Variants in DDX27 observed in about 807,000 individuals in gnomAD.
DDX27 encodes the protein probable ATP-dependent RNA helicase DDX27.
A neutral mutation model predicts 99.3 loss-of-function variants in DDX27; 42 were observed. That is an observed-to-expected ratio of 0.42 (90% confidence interval 0.33 to 0.55). The LOEUF is 0.55. Ranked by LOEUF, DDX27 falls within the 20% of genes least tolerant of loss-of-function variation. The pLI is 0.07. For missense variants in DDX27, 798 were observed against 976.8 expected (o/e 0.82, Z 2.44); for synonymous variants, 329 against 353.8 (o/e 0.93, Z 0.79).
rs200390384 is a variant in DDX27 at position 49,236,627 on chromosome 20, CTGCTTCCT to C, written c.1687+121_1687+128del. 1.8e-3 allele frequency: 1,864 copies of C among 1,057,692 alleles called. 30 individuals are homozygous for C. In the African/African-American group the frequency reaches 0.027, roughly 15 times the overall value. The allele number at this position is 1,057,692 out of a possible 1,614,324, so 65.5% of individuals were successfully genotyped here. On this transcript the variant is annotated intron_variant, in intron 14 of 20. Coordinates refer to ENST00000618172, the MANE Select transcript of DDX27 (RefSeq NM_017895.8). The surrounding 1 kb of genome is among the most constrained non-coding windows in gnomAD (Gnocchi z 4.1). Reference sequence around the variant, plus strand: ...GAGCCAGATTTGAATTCCAGCCCTGCTGCTTCCTTGCCGAGTGACCATGTGCAGGTTTC... The same window carrying C: ...GAGCCAGATTTGAATTCCAGCCCTGCTGCCGAGTGACCATGTGCAGGTTTC...
Position 49,242,316 on chromosome 20 carries a change from G to C in DDX27, c.2116+110G>C. ...GATGACAGTAGCCCACATTATTTGA[G>C]TAATTAGTATGTACCAATGTGTACA... is the stretch of plus-strand genomic sequence containing the variant. On this transcript the variant is annotated intron_variant, in intron 18 of 20. Transcript: ENST00000618172. 8 of 1,503,136 alleles carry C rather than the reference G, an allele frequency of 5.3e-6. No homozygotes were observed. The African/African-American group carries it at 1.1e-4, about 21-fold the overall frequency. 93.1% of individuals were successfully genotyped at this position (1,503,136 alleles called of 1,614,324 possible). A position where few individuals can be genotyped will look rare whatever the true frequency, so the allele number is the denominator to read the frequency against.
chr20:49,235,217 A>G, intron 12 of DDX27, 129 bp downstream of exon 12: 1 of 1,126,560 alleles, frequency 8.9e-7, no homozygotes, highest in Non-Finnish European at 1.2e-6. Context: ...TTGGCCTTGA[A>G]CATTTTAACC....
At chr20:49,228,279 G>T (rs1600968012) in intron 7 of DDX27, among the ~76,000 whole-genome samples, 1 of 151,986 alleles carries the variant, frequency 6.6e-6, no homozygotes, top group Non-Finnish European at 1.5e-5. Context: ...GGGATTACAG[G>T]TGCCCACCAC....
chr20:49,240,064 G>A (rs1980428600), intron 16 of DDX27, among the ~76,000 whole-genome samples: 1 of 152,174 alleles, frequency 6.6e-6, no homozygotes, highest in Non-Finnish European at 1.5e-5. Flanking sequence ...TAGGGGAAGG[G>A]GGGTTATAGG....
chr20:49,223,771 C>T (rs1263510320), intron 4 of DDX27, among the ~76,000 whole-genome samples: 1 of 151,998 alleles, frequency 6.6e-6, no homozygotes, highest in Non-Finnish European at 1.5e-5. Context: ...ATCCCAGCCA[C>T]TCAGGTGGCT....
intron 11 of DDX27, chr20:49,234,337 C>T (rs1980233034): frequency 6.6e-6 from 1 of 152,144 alleles, no homozygotes; most frequent in African/African-American, 2.4e-5. Flanking sequence ...GATCTTGGCT[C>T]AATGCAGCCT....
chr20:49,241,618 G>A (rs1980479104), intron 16 of DDX27, among the ~76,000 whole-genome samples: 1 of 151,810 alleles, frequency 6.6e-6, no homozygotes, highest in Non-Finnish European at 1.5e-5. Flanking sequence ...GATTACAGGT[G>A]CACCACCATG....
chr20:49,235,190 G>T, intron 12 of DDX27, 102 bp downstream of exon 12: 2 of 1,335,624 alleles, frequency 1.5e-6, no homozygotes, highest in Non-Finnish European at 2.0e-6. Flanking sequence ...CATTAGCAGG[G>T]GACACATAGC....
chr20:49,225,273 C>A, intron 6 of DDX27, 74 bp downstream of exon 6: 2 of 1,258,302 alleles, frequency 1.6e-6, no homozygotes, highest in Non-Finnish European at 2.3e-6. Context: ...GTCTCAAATT[C>A]CTGGCATCAA....
chr20:49,219,428 G>A lies in DDX27; in HGVS notation c.-21G>A. ...CGGACCGCAGGCTGTGCTCGCTTCC[G>A]GAAGTGGCTTCTGCGACAACATGCT... On this transcript the variant is annotated 5_prime_UTR_variant, in exon 1 of 21. Coordinates refer to ENST00000618172, the MANE Select transcript of DDX27 (RefSeq NM_017895.8). 1 of 1,614,084 alleles carries A rather than the reference G, an allele frequency of 6.2e-7. No homozygotes were observed. The highest frequency in any genetic ancestry group is 1.1e-5 in the South Asian group (1 of 91,082).
chr20:49,235,971 C>T lies in DDX27; in HGVS notation c.1428-179C>T, dbSNP rs992007903. On this transcript the variant is annotated intron_variant, in intron 12 of 20. Transcript: ENST00000618172. ...TGTTAGCGAGGATGGTCTCGATCTC[C>T]TGACCTCGTGATCTGCCCACCTCGG... 12 of 458,398 alleles carry T rather than the reference C, an allele frequency of 2.6e-5. No homozygotes were observed. The East Asian group carries it at 3.3e-4, about 13-fold the overall frequency. 28.4% of individuals were successfully genotyped at this position (458,398 alleles called of 1,614,324 possible).
rs536347960 is a variant in DDX27 at position 49,236,291 on chromosome 20, C to T, written c.1510-42C>T. On this transcript the variant is annotated intron_variant, in intron 13 of 20. Transcript: ENST00000618172. This position sits in a 1 kb window ranked among gnomAD's most constrained non-coding sequence, Gnocchi z 4.1. ...GAAGTCTTTTTGCCTCTTCGCACCC[C>T]CCTTCCCTTGCCAGGCCTGACGTTC... 19 of 1,570,544 alleles carry T rather than the reference C, an allele frequency of 1.2e-5. No individual in the cohort carries two copies. Among genetic ancestry groups the T allele is most frequent in the Admixed American group, 1.8e-5 (1 of 55,366 alleles).
At position 49,236,641 on chromosome 20, in the gene DDX27, A is replaced by T. The variant is rs1057149366; in HGVS notation, c.1687+131A>T. 3.3e-6 allele frequency: 3 copies of T among 920,540 alleles called. No homozygotes were observed. The highest frequency in any genetic ancestry group is 5.9e-5 in the South Asian group (2 of 33,716). The allele number at this position is 920,540 out of a possible 1,614,324, so 57.0% of individuals were successfully genotyped here. ...TTCCAGCCCTGCTGCTTCCTTGCCG[A>T]GTGACCATGTGCAGGTTTCACCTCA... is the stretch of plus-strand genomic sequence containing the variant. On this transcript the variant is annotated intron_variant, in intron 14 of 20. Transcript: ENST00000618172. The surrounding 1 kb of genome is among the most constrained non-coding windows in gnomAD (Gnocchi z 4.1).
chr20:49,230,825 A>C (rs912630255), intron 9 of DDX27, among the ~76,000 whole-genome samples: 1 of 151,772 alleles, frequency 6.6e-6, no homozygotes, highest in South Asian at 2.1e-4. Context: ...TTGCTCTGGG[A>C]CTGAACAGAA....
intron 4 of DDX27, among the ~76,000 whole-genome samples, chr20:49,223,915 A>G (rs760788749): frequency 6.6e-6 from 1 of 152,116 alleles, no homozygotes; most frequent in African/African-American, 2.4e-5. Flanking sequence ...GTCTCACTCC[A>G]TCCACAGGCT....
chr20:49,228,399 G>A (rs545449900), intron 7 of DDX27, among the ~76,000 whole-genome samples: 186 of 151,662 alleles, frequency 1.2e-3, no homozygotes, highest in Non-Finnish European at 1.7e-3. Flanking sequence ...GCCTCACAAA[G>A]TGCTGGGATT....
At position 49,242,168 on chromosome 20, in the gene DDX27, C is replaced by T. The variant is rs534294317; in HGVS notation, c.2078C>T (p.Ala693Val). The T allele has an allele frequency of 6.2e-7, 1 of 1,614,118 alleles. No homozygotes were observed. The highest frequency in any genetic ancestry group is 1.7e-5 in the Admixed American group (1 of 60,024). Residue 693 changes from alanine (A) to valine (V), a missense_variant, in exon 18 of 21, where the codon GCC (alanine) becomes GTC (valine). Ala to Val is a moderately conservative substitution (Grantham distance 64). Coordinates refer to ENST00000618172, the MANE Select transcript of DDX27 (RefSeq NM_017895.8). ...LAKRNRRAKRARAMPEEEPVR... is the reference protein window; with the variant it reads ...LAKRNRRAKRVRAMPEEEPVR... ...AAGAGGAATCGCAGAGCCAAGCGGG[C>T]CCGAGCAATGCCCGAGGAGGAGCCA...
chr20:49,233,951 T>C, intron 11 of DDX27: 1 of 490,110 alleles, frequency 2.0e-6, no homozygotes, highest in South Asian at 2.8e-5. Flanking sequence ...TGGCATCAGC[T>C]GCTGTTGTAC....
chr20:49,229,843 G>A (rs1476602389), intron 8 of DDX27, among the ~76,000 whole-genome samples: 3 of 151,876 alleles, frequency 2.0e-5, no homozygotes, highest in African/African-American at 7.3e-5. Context: ...ATGGGGTTTC[G>A]CCATGTTGGG....
Sources: gnomAD v4.1 joint callset for allele counts (sites outside exome capture counted in the v4.1 genomes callset) on GRCh38, gnomAD v4.1.1 for gene constraint, Gnocchi (gnomAD v3.1) non-coding constraint, MANE v1.5 for transcripts, NCBI Gene and HGNC (gene_info 2026-07-23, HGNC 2026-07-21) for gene names.